JAKMIP1: variants seen among roughly 807,000 people sequenced by gnomAD.
The protein encoded by JAKMIP1 is janus kinase and microtubule-interacting protein 1.
JAKMIP1 carries 33 observed loss-of-function variants against 113.0 expected under a neutral mutation model. That is an observed-to-expected ratio of 0.29 (90% CI 0.22 to 0.39). The LOEUF is 0.39. Among genes scored for constraint, JAKMIP1 ranks in the 10% least tolerant of loss-of-function variants. The probability of loss-of-function intolerance (pLI) is 1.00; values close to 1 mark genes in which losing one functional copy is unlikely to be tolerated. For missense variants in JAKMIP1, 813 were observed against 1,080.5 expected (o/e 0.75, Z 3.47); for synonymous variants, 480 against 459.9 (o/e 1.04, Z -0.56).
chr4:6,055,905 C>CAGG (rs1716351745), intron 12 of JAKMIP1, among the ~76,000 whole-genome samples: 1 of 144,832 alleles, frequency 6.9e-6, no homozygotes, highest in Non-Finnish European at 1.5e-5. Context: ...GACAGGGCTG[C>CAGG]CCTCCCCATT....
intron 8 of JAKMIP1, among the ~76,000 whole-genome samples, chr4:6,077,106 T>TC (rs1490722443): frequency 3.3e-5 from 5 of 152,098 alleles, no homozygotes; most frequent in Non-Finnish European, 4.4e-5. Flanking sequence ...TTAAACTGTA[T>TC]CCCCCCAAAA....
chr4:6,110,237 T>C (rs1714697794), intron 2 of JAKMIP1, among the ~76,000 whole-genome samples: 1 of 152,142 alleles, frequency 6.6e-6, no homozygotes, highest in South Asian at 2.1e-4. Context: ...GCCTGGTGTC[T>C]TTGTAAGAAC....
chr4:6,060,706 G>A (rs1717154967), intron 10 of JAKMIP1, among the ~76,000 whole-genome samples, 199 bp from the exon 11 acceptor site: 1 of 152,224 alleles, frequency 6.6e-6, no homozygotes, highest in African/African-American at 2.4e-5. Context: ...TCATTAAGAA[G>A]AGAACAGCCT....
At chr4:6,145,104 A>G (rs1390249779) in intron 1 of JAKMIP1, among the ~76,000 whole-genome samples, 1 of 152,230 alleles carries the variant, frequency 6.6e-6, no homozygotes, top group African/African-American at 2.4e-5. Flanking sequence ...TGAAAATGAA[A>G]TAAGAAAACA....
At chr4:6,164,459 T>G (rs1723353171) in intron 1 of JAKMIP1, among the ~76,000 whole-genome samples, 1 of 152,194 alleles carries the variant, frequency 6.6e-6, no homozygotes, top group Non-Finnish European at 1.5e-5. Context: ...AGATTGATGT[T>G]GTTGTCATGC....
At chr4:6,037,094 C>T (rs1162788608) in intron 18 of JAKMIP1, among the ~76,000 whole-genome samples, 1 of 148,940 alleles carries the variant, frequency 6.7e-6, no homozygotes, top group East Asian at 2.0e-4. Flanking sequence ...AGCCCTCCAT[C>T]ACTGAGGCAG....
At chr4:6,083,211 T>C (rs1030488642) in intron 5 of JAKMIP1, among the ~76,000 whole-genome samples, 1 of 151,974 alleles carries the variant, frequency 6.6e-6, no homozygotes, top group Non-Finnish European at 1.5e-5. Context: ...AAGACCAGCC[T>C]GGCCAACATG....
chr4:6,138,962 A>G lies in JAKMIP1; in HGVS notation c.-147-25965T>C, dbSNP rs1331761222. On this transcript the variant is annotated intron_variant, in intron 1 of 20. Transcript: ENST00000409021. The surrounding 1 kb of genome is among the most constrained non-coding windows in gnomAD (Gnocchi z 6.0). ...GCTTACTGAACTCTCACGAGCCTTC[A>G]TCTGGCTGGAATATGTCTCCCCACC... 6.6e-6 allele frequency among the ~76,000 whole-genome samples: 1 copy of G among 152,124 alleles called. No homozygotes were observed. Among genetic ancestry groups the G allele is most frequent in the African/African-American group, 2.4e-5 (1 of 41,398 alleles).
chr4:6,060,524 C>G lies in JAKMIP1; in HGVS notation c.1561-17G>C. 1 of 1,606,606 alleles carries G rather than the reference C, an allele frequency of 6.2e-7. No homozygotes were observed. Among genetic ancestry groups the G allele is most frequent in the Non-Finnish European group, 8.5e-7 (1 of 1,173,296 alleles). On this transcript the variant is annotated splice_polypyrimidine_tract_variant and intron_variant, in intron 10 of 20. Transcript: ENST00000409021. The stretch of plus-strand genomic sequence containing the variant: ...CTCCCGAGTCTGGAAGGGAAAAGAC[C>G]AGGCAGTGAGCAGGTCACCTCCAAT...
In JAKMIP1 at chr4:6,054,637, TA is replaced by T. The variant is rs958918571; in HGVS notation, c.1708-490del. 7.0e-5 allele frequency: 29 copies of T among 416,914 alleles called. No individual in the cohort carries two copies. The Admixed American group carries it at 7.5e-4, about 11-fold the overall frequency. The allele number at this position is 416,914 out of a possible 1,614,324, so 25.8% of individuals were successfully genotyped here. On this transcript the variant is annotated intron_variant, in intron 12 of 20. Coordinates refer to ENST00000409021, the MANE Select transcript of JAKMIP1 (RefSeq NM_001099433.2). Reference sequence around the variant, plus strand: ...CCCACAGAGCTTGCAGAAGAAGCCGTAAAGGCAGGAGTTCTCTGAGAGCGCA... The same window carrying T: ...CCCACAGAGCTTGCAGAAGAAGCCGTAAGGCAGGAGTTCTCTGAGAGCGCA...
chr4:6,124,135 G>A (rs1287494055), intron 1 of JAKMIP1, among the ~76,000 whole-genome samples: 4 of 152,224 alleles, frequency 2.6e-5, no homozygotes, highest in African/African-American at 9.6e-5. Flanking sequence ...GCCCGGCTGT[G>A]TTCTCTCCAC....
At chr4:6,053,280 C>T (rs769570205) in intron 13 of JAKMIP1, among the ~76,000 whole-genome samples, 6 of 152,222 alleles carry the variant, frequency 3.9e-5, no homozygotes, top group African/African-American at 9.7e-5. Context: ...GAATCTCACT[C>T]GGTGCATTGG....
Position 6,105,815 on chromosome 4 carries a change from C to A in JAKMIP1, c.282G>T (p.Gln94His), listed in dbSNP as rs553237210. The A allele has an allele frequency of 1.2e-6, 2 of 1,610,420 alleles. No homozygotes were observed. Among genetic ancestry groups the A allele is most frequent in the South Asian group, 2.2e-5 (2 of 91,064 alleles). ...CGGTGCGCGCCGCCTCCTGCTCGTG[C>A]TGCCGGATGAGCCCCTCGCGCAGCG... Reference protein sequence around the residue: ...LQALREGLIRQHEQEAARTAK... With the variant: ...LQALREGLIRHHEQEAARTAK... Residue 94 changes from glutamine to histidine, a missense_variant, in exon 3 of 21, where the codon CAG becomes CAT. Physicochemically the swap from Gln to His is conservative, Grantham distance 24. Around this residue, in one of 2 missense-constraint regions of JAKMIP1, gnomAD observed 540 missense variants for 653.9 expected, o/e 0.83. Transcript: ENST00000409021.
rs559198691 is a variant in JAKMIP1, at chr4:6,069,178, G to A, written c.1303-4170C>T. On this transcript the variant is annotated intron_variant, in intron 8 of 20. Transcript: ENST00000409021. The surrounding 1 kb of genome is among the most constrained non-coding windows in gnomAD (Gnocchi z 4.5). ...CTTCTCAAGAGATGAGGGGAGAACCGCCCAGAAAACATTGTTTCCTGTCAT... is the reference window on the plus strand; with the variant it reads ...CTTCTCAAGAGATGAGGGGAGAACCACCCAGAAAACATTGTTTCCTGTCAT... 4.9e-4 allele frequency among the ~76,000 whole-genome samples: 74 copies of A among 152,128 alleles called. No homozygotes were observed. The East Asian group carries it at 0.014, about 28-fold the overall frequency.
chr4:6,121,925 T>C (rs770656953), intron 1 of JAKMIP1, among the ~76,000 whole-genome samples: 1 of 152,342 alleles, frequency 6.6e-6, no homozygotes, highest in South Asian at 2.1e-4. Context: ...AAGCAACTTA[T>C]ACAATCGTAC....
intron 1 of JAKMIP1, among the ~76,000 whole-genome samples, chr4:6,169,603 T>TGTG (rs201784962): frequency 0.061 from 8,389 of 137,312 alleles, 280 homozygotes; most frequent in South Asian, 0.075. Flanking sequence ...CCCTAGGAAA[T>TGTG]TGTGTGTGTG....
chr4:6,099,179 C>T (rs1312115920), intron 3 of JAKMIP1, among the ~76,000 whole-genome samples: 1 of 152,214 alleles, frequency 6.6e-6, no homozygotes, highest in African/African-American at 2.4e-5. Flanking sequence ...CAATTTCTGC[C>T]TTTTAACTGG....
chr4:6,061,979 G>A lies in JAKMIP1; in HGVS notation c.1560+333C>T, dbSNP rs972490984. Among the ~76,000 whole-genome samples the A allele has an allele frequency of 1.3e-5, 2 of 152,186 alleles. No individual in the cohort carries two copies. Among genetic ancestry groups the A allele is most frequent in the Non-Finnish European group, 2.9e-5 (2 of 68,022 alleles). Reference sequence around the variant, plus strand: ...GGGCGGGGGGCTGGCAGCCCTGGAGGGAGCGGAGCCTGAAGCCTGCAAGCC... The same window carrying A: ...GGGCGGGGGGCTGGCAGCCCTGGAGAGAGCGGAGCCTGAAGCCTGCAAGCC... On this transcript the variant is annotated intron_variant, in intron 10 of 20. Coordinates refer to ENST00000409021, the MANE Select transcript of JAKMIP1 (RefSeq NM_001099433.2). The surrounding 1 kb of genome is among the most constrained non-coding windows in gnomAD (Gnocchi z 5.3).
rs1042619939 is a variant in JAKMIP1 at position 6,086,342 on chromosome 4, G to A, written c.625-713C>T. On this transcript the variant is annotated intron_variant, in intron 3 of 20. Transcript: ENST00000409021. The surrounding 1 kb of genome is among the most constrained non-coding windows in gnomAD (Gnocchi z 4.1). ...CGACGGTATCAACCCCACATATGCA[G>A]CAGATCTTAAACACATGCCTCAGCC... is the stretch of plus-strand genomic sequence containing the variant. Among the ~76,000 whole-genome samples, 6 of 151,872 alleles carry A rather than the reference G, an allele frequency of 4.0e-5. No homozygotes were observed. Among genetic ancestry groups the A allele is most frequent in the Non-Finnish European group, 7.4e-5 (5 of 68,000 alleles).
Sources: gnomAD v4.1 joint callset for allele counts (sites outside exome capture counted in the v4.1 genomes callset) on GRCh38, gnomAD v4.1.1 for gene constraint, gnomAD v4.1.1 regional missense constraint, Gnocchi (gnomAD v3.1) non-coding constraint, MANE v1.5 for transcripts, NCBI Gene and HGNC (gene_info 2026-07-23, HGNC 2026-07-21) for gene names.